The following BACH2 variants were observed in gnomAD, a reference collection of about 807,000 sequenced individuals.
The protein encoded by BACH2 is transcription regulator protein BACH2.
BACH2 carries 5 observed loss-of-function variants against 61.8 expected under a neutral mutation model. The observed-to-expected ratio is 0.08, with a 90% confidence interval of 0.04 to 0.17. BACH2 has a LOEUF of 0.17. Among genes scored for constraint, BACH2 ranks in the 10% least tolerant of loss-of-function variants. The pLI, the probability that BACH2 is intolerant of heterozygous loss-of-function variation, is 1.00. For synonymous variants in BACH2, 446 were observed against 440.1 expected, an observed-to-expected ratio of 1.01 and a Z score of -0.17; for missense variants, 824 against 1,091.1, an observed-to-expected ratio of 0.76 and a Z score of 3.45.
intron 1 of BACH2, among the ~76,000 whole-genome samples, chr6:90,290,431 T>C (rs989761189): frequency 6.6e-6 from 1 of 152,198 alleles, no homozygotes; most frequent in African/African-American, 2.4e-5. Context: ...ACACTATGCC[T>C]GCCATGTAAG....
At chr6:90,046,904 G>A (rs951114529) in intron 5 of BACH2, among the ~76,000 whole-genome samples, 12 of 150,456 alleles carry the variant, frequency 8.0e-5, no homozygotes. Context: ...GCCAAGCCCA[G>A]GCCAATTGCC....
chr6:90,202,050 G>T (rs935112333), intron 4 of BACH2, among the ~76,000 whole-genome samples: 11 of 152,200 alleles, frequency 7.2e-5, no homozygotes, highest in Non-Finnish European at 1.3e-4. Context: ...ACCAGTGGGC[G>T]TGATGACTCT....
At chr6:90,011,932 A>ACG (rs1554227954) in intron 5 of BACH2, among the ~76,000 whole-genome samples, 1 of 114,282 alleles carries the variant, frequency 8.8e-6, no homozygotes, top group African/African-American at 3.7e-5. Flanking sequence ...AAAAAAAAAT[A>ACG]TGTGTGTGTG....
At chr6:90,291,146 C>T (rs763429706) in intron 1 of BACH2, among the ~76,000 whole-genome samples, 14 of 152,100 alleles carry the variant, frequency 9.2e-5, no homozygotes, top group Non-Finnish European at 1.0e-4. Flanking sequence ...AGAAGTCAAC[C>T]AGGGAATATG....
chr6:90,086,467 A>G (rs1781936784), intron 5 of BACH2, among the ~76,000 whole-genome samples: 2 of 152,174 alleles, frequency 1.3e-5, no homozygotes. Flanking sequence ...GAGCAGTTTT[A>G]GGTTCACAGT....
intron 5 of BACH2, among the ~76,000 whole-genome samples, chr6:90,071,895 A>C (rs1007494216): frequency 1.3e-5 from 2 of 152,222 alleles, no homozygotes; most frequent in African/African-American, 4.8e-5. Flanking sequence ...TTCCTAAGTG[A>C]GAGTGGATCA....
chr6:90,005,978 A>T (rs1345778526), intron 6 of BACH2, among the ~76,000 whole-genome samples: 1 of 152,192 alleles, frequency 6.6e-6, no homozygotes, highest in Non-Finnish European at 1.5e-5. Context: ...AAAAGGCCAA[A>T]TAGATTTTTG....
Position 90,097,956 on chromosome 6 carries a change from C to T in BACH2, c.-161-8847G>A, listed in dbSNP as rs1041842298. ...ATTCATTATTTTCCTAGTAATGAAA[C>T]GGGAACTGTGAGACACCATGTGAAA... On this transcript the variant is annotated intron_variant, in intron 4 of 8. Transcript: ENST00000257749. Among the ~76,000 whole-genome samples, 6 of 152,138 alleles carry T rather than the reference C, an allele frequency of 3.9e-5. No individual in the cohort carries two copies. In the East Asian group the frequency reaches 5.8e-4, roughly 15 times the overall value.
At chr6:90,264,427 C>T (rs1562532672) in intron 2 of BACH2, among the ~76,000 whole-genome samples, 1 of 152,084 alleles carries the variant, frequency 6.6e-6, no homozygotes, top group Non-Finnish European at 1.5e-5. Flanking sequence ...CAAATATAAA[C>T]AAAGGGTATA....
At chr6:90,197,331 T>C (rs1026425933) in intron 4 of BACH2, among the ~76,000 whole-genome samples, 57 of 152,322 alleles carry the variant, frequency 3.7e-4, no homozygotes, top group African/African-American at 1.3e-3. Flanking sequence ...CTTTCATACA[T>C]AGCAATCCCA....
chr6:90,108,254 G>C (rs1783011234), intron 4 of BACH2, among the ~76,000 whole-genome samples: 1 of 152,172 alleles, frequency 6.6e-6, no homozygotes, highest in Non-Finnish European at 1.5e-5. Context: ...GGAATGATTG[G>C]TATTAATTAT....
intron 3 of BACH2, among the ~76,000 whole-genome samples, chr6:90,209,149 C>T (rs941665118): frequency 1.3e-5 from 2 of 152,028 alleles, no homozygotes; most frequent in Admixed American, 1.3e-4. Flanking sequence ...ACATGTATAC[C>T]TATGTAATAA....
At chr6:90,070,520 T>A (rs954153111) in intron 5 of BACH2, among the ~76,000 whole-genome samples, 2 of 152,146 alleles carry the variant, frequency 1.3e-5, no homozygotes, top group African/African-American at 4.8e-5. Flanking sequence ...TGTCCCACGG[T>A]CCTCCTGACT....
At position 90,168,860 on chromosome 6, in the gene BACH2, C is replaced by T. The variant is rs1005116689; in HGVS notation, c.-162+37709G>A. Among the ~76,000 whole-genome samples, 5 of 152,176 alleles carry T rather than the reference C, an allele frequency of 3.3e-5. 1 individual carries two copies. The South Asian group carries it at 1.0e-3, about 32-fold the overall frequency. The stretch of plus-strand genomic sequence containing the variant: ...CACCACTACCTTATTTCCTGTTCCA[C>T]GCTGGTTTTCATGTGATACACTTTT... On this transcript the variant is annotated intron_variant, in intron 4 of 8. Transcript: ENST00000257749.
intron 3 of BACH2, among the ~76,000 whole-genome samples, chr6:90,229,040 T>A (rs1770007090): frequency 6.6e-6 from 1 of 152,218 alleles, no homozygotes; most frequent in Non-Finnish European, 1.5e-5. Context: ...GATTCCACAG[T>A]CTTCTCAAGT....
chr6:90,171,905 T>C (rs796181358), intron 4 of BACH2, among the ~76,000 whole-genome samples: 3 of 152,258 alleles, frequency 2.0e-5, no homozygotes, highest in African/African-American at 7.2e-5. Flanking sequence ...CATGAGTAAG[T>C]CCAATACCAA....
At chr6:90,038,389 AC>A (rs1211081229) in intron 5 of BACH2, among the ~76,000 whole-genome samples, 1 of 152,110 alleles carries the variant, frequency 6.6e-6, no homozygotes, top group Admixed American at 6.5e-5. Flanking sequence ...CTCTTTTTGA[AC>A]TTTAAAGAAA....
chr6:90,289,801 G>A (rs1772127391), intron 1 of BACH2, among the ~76,000 whole-genome samples: 1 of 152,242 alleles, frequency 6.6e-6, no homozygotes, highest in Non-Finnish European at 1.5e-5. Flanking sequence ...CCTCTGCTCT[G>A]GAGTAGCCAG....
chr6:90,207,993 T>C (rs572674104), intron 3 of BACH2, among the ~76,000 whole-genome samples: 4 of 152,170 alleles, frequency 2.6e-5, no homozygotes, highest in Non-Finnish European at 4.4e-5. Flanking sequence ...AATCAGATGA[T>C]AGAGAGAGGA....
Sources: gnomAD v4.1 joint callset for allele counts (sites outside exome capture counted in the v4.1 genomes callset) on GRCh38, gnomAD v4.1.1 for gene constraint, MANE v1.5 for transcripts, NCBI Gene and HGNC (gene_info 2026-07-23, HGNC 2026-07-21) for gene names.